The following CPQ variants were observed in gnomAD, a reference collection of about 807,000 sequenced individuals.
CPQ encodes the protein carboxypeptidase Q, also known as Ser-Met dipeptidase.
Under a neutral mutation model 45.7 loss-of-function variants are expected in CPQ, and 37 were observed. The observed-to-expected ratio is 0.81, with a 90% CI of 0.62 to 1.07. The LOEUF is 1.07. CPQ is among the 50% of genes least tolerant of loss of function. The pLI, the probability that CPQ is intolerant of heterozygous loss-of-function variation, is 0.00. For missense variants in CPQ, 537 were observed against 572.9 expected (o/e 0.94, Z 0.64); for synonymous variants, 186 against 205.8 (o/e 0.90, Z 0.82).
chr8:96,965,081 T>TGTCA (rs1342175092), intron 4 of CPQ, among the ~76,000 whole-genome samples: 2 of 152,192 alleles, frequency 1.3e-5, no homozygotes, highest in African/African-American at 4.8e-5. Context: ...TTAATACTAA[T>TGTCA]GTCAGTTGAA....
intron 2 of CPQ, among the ~76,000 whole-genome samples, chr8:96,806,366 C>T (rs1053500112): frequency 6.6e-6 from 1 of 152,160 alleles, no homozygotes; most frequent in African/African-American, 2.4e-5. Context: ...GTTGCTCCTA[C>T]AGCCACTTTA....
At chr8:96,787,218 GAATT>G (rs781373248) in intron 2 of CPQ, among the ~76,000 whole-genome samples, 34 of 151,766 alleles carry the variant, frequency 2.2e-4, no homozygotes, top group Non-Finnish European at 3.8e-4. Context: ...TTATATCTGT[GAATT>G]AATTGTGTTA....
intron 2 of CPQ, among the ~76,000 whole-genome samples, chr8:96,833,551 C>T (rs555298988): frequency 2.6e-5 from 4 of 152,274 alleles, no homozygotes; most frequent in South Asian, 2.1e-4. Flanking sequence ...CCAACAATAA[C>T]GCCAGTCAAA....
At chr8:96,931,095 A>G (rs10107937) in intron 4 of CPQ, among the ~76,000 whole-genome samples, 12,417 of 152,200 alleles carry the variant, frequency 0.082, 960 homozygotes, top group African/African-American at 0.21. Context: ...GCTTCAAGCC[A>G]CCCTTCCTTC....
At chr8:96,727,940 A>G (rs1180277167) in intron 1 of CPQ, among the ~76,000 whole-genome samples, 1 of 152,210 alleles carries the variant, frequency 6.6e-6, no homozygotes, top group Admixed American at 6.5e-5. Context: ...TGCAGGCCAA[A>G]TGAAATATTT....
chr8:96,930,058 TC>T, intron 4 of CPQ, among the ~76,000 whole-genome samples: 1 of 152,120 alleles, frequency 6.6e-6, no homozygotes, highest in East Asian at 1.9e-4. Context: ...AGATATAGGT[TC>T]CCTGAGACAT....
At chr8:97,001,609 G>A (rs910722591) in intron 5 of CPQ, among the ~76,000 whole-genome samples, 2 of 151,670 alleles carry the variant, frequency 1.3e-5, no homozygotes, top group African/African-American at 4.8e-5. Flanking sequence ...TGATTGTGGT[G>A]GATAAACTTT....
At chr8:97,074,599 C>A (rs1810810649) in intron 7 of CPQ, among the ~76,000 whole-genome samples, 2 of 152,120 alleles carry the variant, frequency 1.3e-5, no homozygotes, top group Admixed American at 1.3e-4. Context: ...TGGTGAAACC[C>A]CCTCTCTACT....
At chr8:97,086,973 T>C (rs1199749102) in intron 7 of CPQ, among the ~76,000 whole-genome samples, 3 of 152,222 alleles carry the variant, frequency 2.0e-5, no homozygotes. Context: ...TCCTTTCAAC[T>C]GATCCCCAAA....
chr8:96,649,727 T>C (rs938866227), intron 1 of CPQ, among the ~76,000 whole-genome samples: 3 of 152,204 alleles, frequency 2.0e-5, no homozygotes, highest in African/African-American at 7.2e-5. Context: ...GTCAAGACCT[T>C]GGCCAAACAT....
intron 4 of CPQ, among the ~76,000 whole-genome samples, chr8:96,934,579 A>G (rs1813019358): frequency 6.6e-6 from 1 of 152,168 alleles, no homozygotes; most frequent in African/African-American, 2.4e-5. Flanking sequence ...AAAATTGTCA[A>G]GTCATTGAAG....
At chr8:96,822,614 G>A (rs1332893162) in intron 2 of CPQ, among the ~76,000 whole-genome samples, 4 of 151,974 alleles carry the variant, frequency 2.6e-5, no homozygotes, top group African/African-American at 9.7e-5. Context: ...TGGCCCAGGA[G>A]GTCCTGCATG....
At chr8:97,004,775 T>G (rs1809350489) in intron 5 of CPQ, among the ~76,000 whole-genome samples, 2 of 151,960 alleles carry the variant, frequency 1.3e-5, no homozygotes, top group African/African-American at 4.8e-5. Context: ...TAATGTAAAA[T>G]GAAGAATATA....
chr8:97,055,761 C>G (rs1389158806), intron 6 of CPQ: 1 of 152,150 alleles, frequency 6.6e-6, no homozygotes, highest in Non-Finnish European at 1.5e-5. Flanking sequence ...TGATTTTAGC[C>G]CTGTAAGGCT....
At chr8:96,663,448 A>G (rs1250914574) in intron 1 of CPQ, among the ~76,000 whole-genome samples, 1 of 152,186 alleles carries the variant, frequency 6.6e-6, no homozygotes, top group Non-Finnish European at 1.5e-5. Flanking sequence ...ATACTGTTGT[A>G]TGCTCTTCCT....
chr8:96,788,894 A>G (rs1306805206), intron 2 of CPQ, among the ~76,000 whole-genome samples: 1 of 151,970 alleles, frequency 6.6e-6, no homozygotes, highest in Admixed American at 6.6e-5. Context: ...TCTTTCTTCT[A>G]TTAGCTTAAA....
At chr8:97,113,439 G>A (rs1476070821) in intron 7 of CPQ, among the ~76,000 whole-genome samples, 1 of 152,156 alleles carries the variant, frequency 6.6e-6, no homozygotes, top group Non-Finnish European at 1.5e-5. Context: ...AGCAATTACA[G>A]GATATAAAGC....
At chr8:96,948,324 G>A (rs1813216925) in intron 4 of CPQ, among the ~76,000 whole-genome samples, 1 of 152,064 alleles carries the variant, frequency 6.6e-6, no homozygotes, top group Non-Finnish European at 1.5e-5. Context: ...ACTGCAGCCT[G>A]TAAGTTTTGA....
chr8:97,098,913 CACAT>C (rs1291331638), intron 7 of CPQ, among the ~76,000 whole-genome samples: 1 of 152,030 alleles, frequency 6.6e-6, no homozygotes, highest in Admixed American at 6.6e-5. Flanking sequence ...CCCCCACACA[CACAT>C]ACATAAACAC....
Sources: gnomAD v4.1 joint callset for allele counts (sites outside exome capture counted in the v4.1 genomes callset) on GRCh38, gnomAD v4.1.1 for gene constraint, MANE v1.5 for transcripts, NCBI Gene and HGNC (gene_info 2026-07-23, HGNC 2026-07-21) for gene names.